Variants in GNAT1 observed in about 807,000 individuals in gnomAD.
The protein encoded by GNAT1 is guanine nucleotide-binding protein G(t) subunit alpha-1.
Under a neutral mutation model 40.0 loss-of-function variants are expected in GNAT1, and 36 were observed. The ratio of observed to expected loss-of-function variants is 0.90; its 90% CI spans 0.69 to 1.19. The LOEUF (loss-of-function observed/expected upper bound fraction) is 1.19, where lower values mean the gene tolerates loss of function less well. Among genes scored for constraint, GNAT1 ranks in the 50% most tolerant of loss-of-function variants. The pLI is 0.00. For synonymous variants in GNAT1, 195 were observed against 192.9 expected (o/e 1.01, Z -0.09); for missense variants, 413 against 480.6 (o/e 0.86, Z 1.32).
Position 50,195,287 on chromosome 3 carries a change from T to C in GNAT1, c.*21T>C. The stretch of plus-strand genomic sequence containing the variant: ...TCACAGGTGCCTGAATTCATGCGTG[T>C]CAGTCACCCTGAGACCTGGTAGCCC... On this transcript the variant is annotated 3_prime_UTR_variant, in exon 9 of 9. Transcript: ENST00000232461. 2.5e-6 allele frequency: 1 copy of C among 408,074 alleles called. No homozygotes were observed. The highest frequency in any genetic ancestry group is 2.0e-5 in the African/African-American group (1 of 49,066). 25.3% of individuals were successfully genotyped at this position (408,074 alleles called of 1,614,324 possible). A position where few individuals can be genotyped will look rare whatever the true frequency, so the allele number is the denominator to read the frequency against.
In GNAT1 at chr3:50,196,829, G is replaced by C. The variant is rs1292481596; in HGVS notation, c.*1563G>C. On this transcript the variant is annotated 3_prime_UTR_variant, in exon 9 of 9. Transcript: ENST00000232461. ...GAAACATGGGCTTATGGCCACAGGA[G>C]TTCAGTGGAGCAAGAGCAGGGGAGG... is the stretch of plus-strand genomic sequence containing the variant. 6.6e-6 allele frequency among the ~76,000 whole-genome samples: 1 copy of C among 152,186 alleles called. No homozygotes were observed. The highest frequency in any genetic ancestry group is 2.4e-5 in the African/African-American group (1 of 41,426).
In GNAT1 at chr3:50,194,842, G is replaced by C; in HGVS notation, c.940G>C (p.Glu314Gln). The C allele has an allele frequency of 1.9e-6, 3 of 1,613,978 alleles. No individual in the cohort carries two copies. Among genetic ancestry groups the C allele is most frequent in the Non-Finnish European group, 2.5e-6 (3 of 1,179,994 alleles). Residue 314 changes from glutamate (E) to glutamine (Q), a missense_variant, in exon 8 of 9, where the codon GAG becomes CAG. By Grantham distance (29) the Glu-to-Gln change is conservative (BLOSUM62 2). Coordinates refer to ENST00000232461, the MANE Select transcript of GNAT1 (RefSeq NM_144499.3). The surrounding 1 kb of genome is among the most constrained non-coding windows in gnomAD (Gnocchi z 6.1). ...GCTCAACATGCGGCGCGACGTGAAGGAGATCTATTCCCACATGACGTGCGC... is the reference window on the plus strand; with the variant it reads ...GCTCAACATGCGGCGCGACGTGAAGCAGATCTATTCCCACATGACGTGCGC... ...LELNMRRDVK[E>Q]IYSHMTCATD...
chr3:50,194,826 G>A lies in GNAT1; in HGVS notation c.924G>A (p.Met308Ile). 1.9e-6 allele frequency: 3 copies of A among 1,613,948 alleles called. No homozygotes were observed. The highest frequency in any genetic ancestry group is 3.3e-5 in the Admixed American group (2 of 60,028). ...AGGTGCAGTTCCTCGAGCTCAACAT[G>A]CGGCGCGACGTGAAGGAGATCTATT... Reference protein sequence around the residue: ...YIKVQFLELNMRRDVKEIYSH... With the variant: ...YIKVQFLELNIRRDVKEIYSH... The change falls in exon 8 of 9, where the codon ATG becomes ATA. Residue 308 changes from methionine to isoleucine, a missense_variant. By Grantham distance (10) the Met-to-Ile change is conservative. Transcript: ENST00000232461. The surrounding 1 kb of genome is among the most constrained non-coding windows in gnomAD (Gnocchi z 6.1).
Position 50,197,024 on chromosome 3 carries a change from A to G in GNAT1, c.*1758A>G, listed in dbSNP as rs1455086357. On this transcript the variant is annotated 3_prime_UTR_variant, in exon 9 of 9. Coordinates refer to ENST00000232461, the MANE Select transcript of GNAT1 (RefSeq NM_144499.3). The stretch of plus-strand genomic sequence containing the variant: ...GCAACATTTAAGGCGATGCCAAAAA[A>G]TTTAGTAACCAAGGTAAATAATATT... Among the ~76,000 whole-genome samples, 3 of 152,200 alleles carry G rather than the reference A, an allele frequency of 2.0e-5. No individual in the cohort carries two copies. Among genetic ancestry groups the G allele is most frequent in the African/African-American group, 7.2e-5 (3 of 41,438 alleles).
At position 50,193,346 on chromosome 3, in the gene GNAT1, C is replaced by G. The variant is rs754189877; in HGVS notation, c.231C>G (p.Ile77Met). ...TCTACGGCAACACGTTGCAGTCCATCCTGGCCATCGTACGCGCCATGACCA... is the reference window on the plus strand; with the variant it reads ...TCTACGGCAACACGTTGCAGTCCATGCTGGCCATCGTACGCGCCATGACCA... ...AIIYGNTLQS[I>M]LAIVRAMTTL... Residue 77 changes from isoleucine to methionine, a missense_variant, in exon 3 of 9, where the codon ATC becomes ATG. Physicochemically the swap from Ile to Met is conservative, Grantham distance 10. Coordinates refer to ENST00000232461, the MANE Select transcript of GNAT1 (RefSeq NM_144499.3). This position sits in a 1 kb window ranked among gnomAD's most constrained non-coding sequence, Gnocchi z 8.1. 28 of 1,613,944 alleles carry G rather than the reference C, an allele frequency of 1.7e-5. No homozygotes were observed. The Middle Eastern group carries it at 4.9e-4, about 28-fold the overall frequency.
rs768364063 is a variant in GNAT1 at position 50,194,166 on chromosome 3, T to C, written c.653T>C (p.Ile218Thr). The C allele has an allele frequency of 4.2e-5, 68 of 1,613,772 alleles. No homozygotes were observed. In the East Asian group the frequency reaches 1.4e-3, roughly 34 times the overall value. Residue 218 changes from isoleucine to threonine, a missense_variant, in exon 6 of 9, where the codon ATC becomes ACC. Transcript: ENST00000232461. This position sits in a 1 kb window ranked among gnomAD's most constrained non-coding sequence, Gnocchi z 6.1. ...IHCFEGVTCI[I>T]FIAALSAYDM... ...TGCTTCGAGGGCGTGACCTGCATCA[T>C]CTTCATCGCGGCGCTGAGCGCCTAC... is the stretch of plus-strand genomic sequence containing the variant.
Position 50,194,841 on chromosome 3 carries a change from G to A in GNAT1, c.939G>A (p.Lys313=), listed in dbSNP as rs201551360. 8.8e-4 allele frequency: 1,424 copies of A among 1,613,974 alleles called. 7 individuals carry two copies. Among genetic ancestry groups the A allele is most frequent in the Non-Finnish European group, 2.1e-4 (242 of 1,179,988 alleles). Residue 313 remains lysine (K), a synonymous_variant, in exon 8 of 9, where the codon AAG becomes AAA. Transcript: ENST00000232461. This position sits in a 1 kb window ranked among gnomAD's most constrained non-coding sequence, Gnocchi z 6.1. ...FLELNMRRDV[K]EIYSHMTCAT... ...AGCTCAACATGCGGCGCGACGTGAA[G>A]GAGATCTATTCCCACATGACGTGCG...
intron 1 of GNAT1, 140 bp downstream of exon 1, chr3:50,191,971 G>A: frequency 1.6e-6 from 1 of 643,668 alleles, no homozygotes; most frequent in South Asian, 1.7e-5. Flanking sequence ...GGGAGCCCTG[G>A]CCAAGCAAGG....
At position 50,194,607 on chromosome 3, in the gene GNAT1, A is replaced by C; in HGVS notation, c.815A>C (p.Glu272Ala). The C allele has an allele frequency of 6.2e-7, 1 of 1,613,488 alleles. No homozygotes were observed. Among genetic ancestry groups the C allele is most frequent in the South Asian group, 1.1e-5 (1 of 91,076 alleles). The stretch of plus-strand genomic sequence containing the variant: ...CTTAACAAGAAGGACGTCTTCTTCG[A>C]GAAGATCAAGAAGGCGCACCTCAGC... Reference protein sequence around the residue: ...LFLNKKDVFFEKIKKAHLSIC... With the variant: ...LFLNKKDVFFAKIKKAHLSIC... The change falls in exon 7 of 9, where the codon GAG becomes GCG. Residue 272 changes from glutamate (E) to alanine (A), a missense_variant. Transcript: ENST00000232461. The surrounding 1 kb of genome is among the most constrained non-coding windows in gnomAD (Gnocchi z 6.1).
chr3:50,193,888 C>G lies in GNAT1; in HGVS notation c.578+7C>G. ...TCAAGGATCTCAACTTCCGGTACGA[C>G]CCATACGCTAGCCCAGGAGGTCACT... On this transcript the variant is annotated splice_region_variant and intron_variant, in intron 5 of 8. Coordinates refer to ENST00000232461, the MANE Select transcript of GNAT1 (RefSeq NM_144499.3). The surrounding 1 kb of genome is among the most constrained non-coding windows in gnomAD (Gnocchi z 8.1). The G allele has an allele frequency of 1.2e-6, 2 of 1,613,304 alleles. No homozygotes were observed. The highest frequency in any genetic ancestry group is 1.7e-6 in the Non-Finnish European group (2 of 1,179,918).
rs1455303398 is a variant in GNAT1 at position 50,196,394 on chromosome 3, G to A, written c.*1128G>A. ...CATCCAGCACCAAATCTTTGCTTATGTCCACAGGCCAGGGCCTGTGCTGCA... is the reference window on the plus strand; with the variant it reads ...CATCCAGCACCAAATCTTTGCTTATATCCACAGGCCAGGGCCTGTGCTGCA... On this transcript the variant is annotated 3_prime_UTR_variant, in exon 9 of 9. Coordinates refer to ENST00000232461, the MANE Select transcript of GNAT1 (RefSeq NM_144499.3). 4.6e-5 allele frequency: 7 copies of A among 152,686 alleles called. No homozygotes were observed. Among genetic ancestry groups the A allele is most frequent in the African/African-American group, 1.7e-4 (7 of 41,456 alleles). The allele number at this position is 152,686 out of a possible 1,614,324, so 9.5% of individuals were successfully genotyped here. A position where few individuals can be genotyped will look rare whatever the true frequency, so the allele number is the denominator to read the frequency against.
chr3:50,195,470 C>T lies in GNAT1; in HGVS notation c.*204C>T, dbSNP rs1699486566. On this transcript the variant is annotated 3_prime_UTR_variant, in exon 9 of 9. Transcript: ENST00000232461. ...TATCCCAGCGCCTCATGCCCCCAAC[C>T]CCAAGCCCTGCCCTTCACCGCCCGG... 5.3e-6 allele frequency: 1 copy of T among 187,710 alleles called. No individual in the cohort carries two copies. The highest frequency in any genetic ancestry group is 5.3e-5 in the Admixed American group (1 of 18,752). The allele number at this position is 187,710 out of a possible 1,614,324, so 11.6% of individuals were successfully genotyped here. A position where few individuals can be genotyped will look rare whatever the true frequency, so the allele number is the denominator to read the frequency against.
rs1699515138 is a variant in GNAT1, at chr3:50,197,165, G to A, written c.*1899G>A. ...AGATATATTGGGGCTTGAAGCAAAG[G>A]GAAAACTATTTGTTGCTATATGTTT... On this transcript the variant is annotated 3_prime_UTR_variant, in exon 9 of 9. Coordinates refer to ENST00000232461, the MANE Select transcript of GNAT1 (RefSeq NM_144499.3). Among the ~76,000 whole-genome samples, 1 of 152,118 alleles carries A rather than the reference G, an allele frequency of 6.6e-6. No homozygotes were observed. The highest frequency in any genetic ancestry group is 2.4e-5 in the African/African-American group (1 of 41,418).
Position 50,194,455 on chromosome 3 carries a change from G to T in GNAT1, c.709-46G>T. 1 of 1,603,678 alleles carries T rather than the reference G, an allele frequency of 6.2e-7. No homozygotes were observed. Among genetic ancestry groups the T allele is most frequent in the South Asian group, 1.1e-5 (1 of 90,572 alleles). ...CGGGAGCCCAGAGAGCAGGTGCTGC[G>T]GGTCGGACGCTACCCCGGGTGCCCA... On this transcript the variant is annotated intron_variant, in intron 6 of 8. Transcript: ENST00000232461. This position sits in a 1 kb window ranked among gnomAD's most constrained non-coding sequence, Gnocchi z 6.1.
In GNAT1 at chr3:50,195,566, C is replaced by T. The variant is rs978382230; in HGVS notation, c.*300C>T. On this transcript the variant is annotated 3_prime_UTR_variant, in exon 9 of 9. Coordinates refer to ENST00000232461, the MANE Select transcript of GNAT1 (RefSeq NM_144499.3). Reference sequence around the variant, plus strand: ...CGGGCAGGACTTGGGGCAGCTGAAGCTCACGGTGACTCAGCAGTGCCCAAC... The same window carrying T: ...CGGGCAGGACTTGGGGCAGCTGAAGTTCACGGTGACTCAGCAGTGCCCAAC... 2 of 162,822 alleles carry T rather than the reference C, an allele frequency of 1.2e-5. No individual in the cohort carries two copies. Among genetic ancestry groups the T allele is most frequent in the African/African-American group, 4.8e-5 (2 of 41,532 alleles). 10.1% of individuals were successfully genotyped at this position (162,822 alleles called of 1,614,324 possible). A position where few individuals can be genotyped will look rare whatever the true frequency, so the allele number is the denominator to read the frequency against.
At position 50,193,062 on chromosome 3, in the gene GNAT1, C is replaced by G. The variant is rs1699437354; in HGVS notation, c.107-71C>G. The G allele has an allele frequency of 6.5e-7, 1 of 1,540,772 alleles. No individual in the cohort carries two copies. On this transcript the variant is annotated intron_variant, in intron 1 of 8. Transcript: ENST00000232461. This position sits in a 1 kb window ranked among gnomAD's most constrained non-coding sequence, Gnocchi z 8.1. ...CCACCCTGCCAACTCGGGAGGTCCC[C>G]GTCCTCCTGGCCTCCTTGCTGGAGG... is the stretch of plus-strand genomic sequence containing the variant.
chr3:50,193,892 T>A lies in GNAT1; in HGVS notation c.578+11T>A. 6.2e-7 allele frequency: 1 copy of A among 1,613,212 alleles called. No individual in the cohort carries two copies. ...GGATCTCAACTTCCGGTACGACCCA[T>A]ACGCTAGCCCAGGAGGTCACTGCCC... is the stretch of plus-strand genomic sequence containing the variant. On this transcript the variant is annotated intron_variant, in intron 5 of 8. Coordinates refer to ENST00000232461, the MANE Select transcript of GNAT1 (RefSeq NM_144499.3). The surrounding 1 kb of genome is among the most constrained non-coding windows in gnomAD (Gnocchi z 8.1).
intron 1 of GNAT1, among the ~76,000 whole-genome samples, chr3:50,192,310 C>T (rs557305969): frequency 6.6e-6 from 1 of 152,304 alleles, no homozygotes; most frequent in South Asian, 2.1e-4. Context: ...GAATGGCCCT[C>T]AGGTGCCAGA....
rs761230008 is a variant in GNAT1 at position 50,193,417 on chromosome 3, A to C, written c.291+11A>C. 8 of 1,613,670 alleles carry C rather than the reference A, an allele frequency of 5.0e-6. No homozygotes were observed. In the Admixed American group the frequency reaches 1.2e-4, roughly 24 times the overall value. ...GACTCTGCACGCCAGGTGTGCCAGG[A>C]GGCGGGCTGAGCGGGCCTCTGGGGA... On this transcript the variant is annotated intron_variant, in intron 3 of 8. Coordinates refer to ENST00000232461, the MANE Select transcript of GNAT1 (RefSeq NM_144499.3). This position sits in a 1 kb window ranked among gnomAD's most constrained non-coding sequence, Gnocchi z 8.1.
Sources: allele counts gnomAD v4.1 joint callset (sites outside exome capture counted in the v4.1 genomes callset), GRCh38; gene constraint gnomAD v4.1.1; non-coding constraint Gnocchi (gnomAD v3.1); transcripts MANE v1.5; gene names NCBI Gene and HGNC (gene_info 2026-07-23, HGNC 2026-07-21).